FSTL5: variants seen among roughly 807,000 people sequenced by gnomAD.
FSTL5 encodes follistatin like 5.
In FSTL5, 62 loss-of-function variants were observed where a neutral mutation model predicts 89.1. The ratio of observed to expected loss-of-function variants is 0.70; its 90% CI spans 0.57 to 0.86. The LOEUF (loss-of-function observed/expected upper bound fraction) is 0.86. Among genes scored for constraint, FSTL5 ranks in the 40% least tolerant of loss-of-function variants. The pLI is 0.00. For missense variants in FSTL5, 1,057 were observed against 1,001.6 expected (o/e 1.06, Z -0.75); for synonymous variants, 383 against 346.2 (o/e 1.11, Z -1.18).
intron 7 of FSTL5, among the ~76,000 whole-genome samples, chr4:161,615,048 A>C (rs962173411): frequency 9.2e-5 from 14 of 151,988 alleles, no homozygotes; most frequent in African/African-American, 3.4e-4. Context: ...TAATCCCAGC[A>C]CTTTGGGAGG....
At chr4:161,649,534 C>T (rs4130502) in intron 7 of FSTL5, among the ~76,000 whole-genome samples, 1,983 of 152,162 alleles carry the variant, frequency 0.013, 33 homozygotes, top group African/African-American at 0.044. Flanking sequence ...AAATGATACG[C>T]AGAGTTGGTT....
At chr4:161,473,696 T>G (rs1406451399) in intron 13 of FSTL5, among the ~76,000 whole-genome samples, 6 of 152,156 alleles carry the variant, frequency 3.9e-5, no homozygotes, top group African/African-American at 1.4e-4. Flanking sequence ...CCTCTCAAAG[T>G]GCTGGTTTTA....
chr4:161,921,219 C>A (rs2110865101), intron 3 of FSTL5, among the ~76,000 whole-genome samples: 1 of 152,274 alleles, frequency 6.6e-6, no homozygotes, highest in African/African-American at 2.4e-5. Flanking sequence ...AAATAACTGT[C>A]TCTTGAAAAC....
chr4:162,108,467 G>A (rs1731312166), intron 2 of FSTL5, among the ~76,000 whole-genome samples: 1 of 151,900 alleles, frequency 6.6e-6, no homozygotes, highest in African/African-American at 2.4e-5. Context: ...TAGGAAAAAT[G>A]TAAAATGTGA....
Position 161,759,397 on chromosome 4 carries a change from A to T in FSTL5, c.727+14T>A. 6.4e-7 allele frequency: 1 copy of T among 1,568,588 alleles called. No individual in the cohort carries two copies. The highest frequency in any genetic ancestry group is 8.6e-7 in the Non-Finnish European group (1 of 1,162,244). On this transcript the variant is annotated intron_variant, in intron 6 of 15. Transcript: ENST00000306100. ...AAGAACAAAGGGAAATTGGAGAATG[A>T]ATCTTGTACTCACGGAATGCTCTAT...
At chr4:161,717,100 G>T (rs1739014719) in intron 6 of FSTL5, among the ~76,000 whole-genome samples, 1 of 152,120 alleles carries the variant, frequency 6.6e-6, no homozygotes, top group South Asian at 2.1e-4. Context: ...ATTGTTTTTG[G>T]TAGGTGGTGA....
At chr4:161,992,357 A>G (rs1329775837) in intron 3 of FSTL5, among the ~76,000 whole-genome samples, 1 of 152,186 alleles carries the variant, frequency 6.6e-6, no homozygotes, top group African/African-American at 2.4e-5. Flanking sequence ...GGGACAACCT[A>G]GAGCTTTGAA....
intron 4 of FSTL5, among the ~76,000 whole-genome samples, chr4:161,828,283 C>T (rs1238561431): frequency 1.3e-5 from 2 of 152,172 alleles, no homozygotes; most frequent in Non-Finnish European, 2.9e-5. Context: ...TTCACTTTCA[C>T]TCTTTGAGCA....
chr4:161,995,767 GT>G (rs371077939), intron 3 of FSTL5, among the ~76,000 whole-genome samples: 2,836 of 137,024 alleles, frequency 0.021, 64 homozygotes, highest in African/African-American at 0.059. Flanking sequence ...CATGTAATGA[GT>G]TTTTTTTTTT....
intron 12 of FSTL5, 22 bp downstream of exon 12, chr4:161,499,994 A>G: frequency 7.0e-7 from 1 of 1,426,954 alleles, no homozygotes; most frequent in Non-Finnish European, 9.9e-7. Context: ...TAAAACGTCA[A>G]AGGAACTTTT....
At chr4:161,792,363 T>C (rs1729507293) in intron 4 of FSTL5, among the ~76,000 whole-genome samples, 1 of 151,992 alleles carries the variant, frequency 6.6e-6, no homozygotes, top group Non-Finnish European at 1.5e-5. Flanking sequence ...CCTGGGTGCA[T>C]GGACACCATG....
chr4:161,762,054 T>C (rs1740828609), intron 5 of FSTL5, among the ~76,000 whole-genome samples: 1 of 152,188 alleles, frequency 6.6e-6, no homozygotes, highest in Non-Finnish European at 1.5e-5. Context: ...GTATGATTGA[T>C]ATAAAAATGG....
At chr4:161,721,075 G>A (rs943033277) in intron 6 of FSTL5, among the ~76,000 whole-genome samples, 3 of 151,256 alleles carry the variant, frequency 2.0e-5, no homozygotes, top group Non-Finnish European at 4.4e-5. Flanking sequence ...TCAGGAGATC[G>A]AGACCATCCT....
intron 15 of FSTL5, among the ~76,000 whole-genome samples, chr4:161,421,879 A>T (rs1732002693): frequency 6.6e-6 from 1 of 152,182 alleles, no homozygotes; most frequent in Admixed American, 6.5e-5. Context: ...TCAGCTTTCT[A>T]GCTCTCAGGC....
At chr4:162,044,445 C>T (rs533369302) in intron 2 of FSTL5, among the ~76,000 whole-genome samples, 2 of 152,208 alleles carry the variant, frequency 1.3e-5, no homozygotes, top group South Asian at 2.1e-4. Flanking sequence ...TTTCTTCTTT[C>T]GTTTATAGAG....
At chr4:161,439,606 T>C (rs1732690587) in intron 15 of FSTL5, among the ~76,000 whole-genome samples, 1 of 152,204 alleles carries the variant, frequency 6.6e-6, no homozygotes, top group Admixed American at 6.5e-5. Flanking sequence ...AATTGTGACT[T>C]ATTTGTGAAG....
intron 6 of FSTL5, among the ~76,000 whole-genome samples, chr4:161,682,350 G>C (rs1432587742): frequency 6.6e-6 from 1 of 152,062 alleles, no homozygotes; most frequent in Non-Finnish European, 1.5e-5. Context: ...TTCTCTCACT[G>C]TAAGTTTTTA....
At chr4:162,040,850 C>A (rs925016028) in intron 2 of FSTL5, among the ~76,000 whole-genome samples, 1 of 151,850 alleles carries the variant, frequency 6.6e-6, no homozygotes, top group Admixed American at 6.6e-5. Context: ...AAAGTCACTA[C>A]TTCTAAGAAT....
At chr4:161,996,195 A>G (rs554620111) in intron 3 of FSTL5, among the ~76,000 whole-genome samples, 2 of 152,300 alleles carry the variant, frequency 1.3e-5, no homozygotes, top group South Asian at 4.1e-4. Context: ...AAATTGCCCA[A>G]AGTAATCTAT....
Sources: gnomAD v4.1 joint callset for allele counts (sites outside exome capture counted in the v4.1 genomes callset) on GRCh38, gnomAD v4.1.1 for gene constraint, MANE v1.5 for transcripts, NCBI Gene and HGNC (gene_info 2026-07-23, HGNC 2026-07-21) for gene names.